CLSTN2: variants seen among roughly 807,000 people sequenced by gnomAD.
The protein encoded by CLSTN2 is calsyntenin 2, also known as calsyntenin-2.
In CLSTN2, 48 loss-of-function variants were observed where a neutral mutation model predicts 101.2. The ratio of observed to expected loss-of-function variants is 0.47; its 90% CI spans 0.38 to 0.60. The LOEUF (loss-of-function observed/expected upper bound fraction) is 0.60. Among genes scored for constraint, CLSTN2 ranks in the 20% least tolerant of loss-of-function variants. The pLI is 0.00. For synonymous variants in CLSTN2, 481 were observed against 463.6 expected (o/e 1.04, Z -0.48); for missense variants, 1,160 against 1,238.2 (o/e 0.94, Z 0.95).
intron 8 of CLSTN2, among the ~76,000 whole-genome samples, chr3:140,495,511 G>C (rs1294189475): frequency 6.6e-6 from 1 of 151,992 alleles, no homozygotes; most frequent in Non-Finnish European, 1.5e-5. Flanking sequence ...AATTGTTTTT[G>C]GTGTTTTTGT....
At chr3:140,020,996 C>G (rs987510470) in intron 1 of CLSTN2, among the ~76,000 whole-genome samples, 2 of 152,226 alleles carry the variant, frequency 1.3e-5, no homozygotes, top group Non-Finnish European at 2.9e-5. Flanking sequence ...GTGCTCCCTT[C>G]TCCACCCAGC....
chr3:140,047,329 C>T (rs193234156), intron 1 of CLSTN2, among the ~76,000 whole-genome samples: 34 of 152,230 alleles, frequency 2.2e-4, no homozygotes, highest in African/African-American at 8.2e-4. Flanking sequence ...TAGTTTCCCA[C>T]AAATGATATA....
chr3:140,189,831 A>G (rs1226529887), intron 2 of CLSTN2, among the ~76,000 whole-genome samples: 3 of 152,190 alleles, frequency 2.0e-5, no homozygotes, highest in African/African-American at 7.2e-5. Flanking sequence ...ATTGAATTGC[A>G]CCTTGGTCAA....
At chr3:139,987,239 G>A (rs1266623124) in intron 1 of CLSTN2, among the ~76,000 whole-genome samples, 1 of 152,150 alleles carries the variant, frequency 6.6e-6, no homozygotes, top group East Asian at 1.9e-4. Context: ...CAAACTTCTG[G>A]TTGCATGATG....
At chr3:140,364,392 G>T (rs983753537) in intron 2 of CLSTN2, among the ~76,000 whole-genome samples, 10 of 152,156 alleles carry the variant, frequency 6.6e-5, no homozygotes, top group African/African-American at 2.4e-4. Context: ...AATTACCACA[G>T]AAATTGCATG....
chr3:140,014,577 CAGA>C (rs986961355), intron 1 of CLSTN2, among the ~76,000 whole-genome samples: 2 of 152,062 alleles, frequency 1.3e-5, no homozygotes, highest in African/African-American at 4.8e-5. Context: ...TGAACAAAGA[CAGA>C]AGAAGATGAG....
At chr3:140,456,635 A>C (rs1220430519) in intron 6 of CLSTN2, among the ~76,000 whole-genome samples, 1 of 151,958 alleles carries the variant, frequency 6.6e-6, no homozygotes, top group Non-Finnish European at 1.5e-5. Flanking sequence ...AAAAATACAA[A>C]AATTAGCCAG....
At chr3:140,205,618 G>GCACCCC (rs1553721844) in intron 2 of CLSTN2, among the ~76,000 whole-genome samples, 3 of 67,172 alleles carry the variant, frequency 4.5e-5, no homozygotes, top group Non-Finnish European at 7.4e-5. Flanking sequence ...GACCTGACCC[G>GCACCCC]CCCCCCACCC....
intron 2 of CLSTN2, among the ~76,000 whole-genome samples, chr3:140,300,867 C>T (rs1023417591): frequency 6.6e-6 from 1 of 152,008 alleles, no homozygotes; most frequent in African/African-American, 2.4e-5. Context: ...ATTATGGAGG[C>T]TGAGAAGTCC....
At chr3:140,532,623 C>A in intron 9 of CLSTN2, 137 bp downstream of exon 9, 1 of 596,436 alleles carries the variant, frequency 1.7e-6, no homozygotes, top group Non-Finnish European at 2.7e-6. Context: ...AAATTCAAGA[C>A]ATATAAAAAT....
chr3:140,419,276 A>G (rs992775690), intron 4 of CLSTN2, among the ~76,000 whole-genome samples: 3 of 150,398 alleles, frequency 2.0e-5, no homozygotes, highest in Non-Finnish European at 4.4e-5. Context: ...TGAGATCACG[A>G]GTTCGAGACC....
At chr3:140,131,265 A>G (rs921067166) in intron 1 of CLSTN2, among the ~76,000 whole-genome samples, 1 of 151,044 alleles carries the variant, frequency 6.6e-6, no homozygotes, top group Admixed American at 6.7e-5. Context: ...TTTCAAATCC[A>G]AAATTTTGAA....
chr3:139,975,383 C>G (rs1054987994), intron 1 of CLSTN2, among the ~76,000 whole-genome samples: 1 of 152,182 alleles, frequency 6.6e-6, no homozygotes, highest in Non-Finnish European at 1.5e-5. Context: ...AGAGGCCACA[C>G]CTCTCACAGA....
chr3:140,510,453 A>G (rs1353219703), intron 8 of CLSTN2, among the ~76,000 whole-genome samples: 2 of 152,206 alleles, frequency 1.3e-5, no homozygotes, highest in Admixed American at 1.3e-4. Flanking sequence ...CTCCCCGGGG[A>G]TGAGATTAAA....
chr3:140,485,691 A>G (rs943283003), intron 8 of CLSTN2, among the ~76,000 whole-genome samples: 2 of 152,040 alleles, frequency 1.3e-5, no homozygotes, highest in Non-Finnish European at 2.9e-5. Flanking sequence ...GCTGCCTTGC[A>G]GTTTGATCTC....
intron 1 of CLSTN2, among the ~76,000 whole-genome samples, chr3:140,121,272 G>C (rs1340799883): frequency 6.6e-6 from 1 of 152,158 alleles, no homozygotes; most frequent in Non-Finnish European, 1.5e-5. Context: ...CACGGGAAGA[G>C]AGCTGGGGCC....
chr3:140,485,336 C>A (rs1022196632), intron 8 of CLSTN2, among the ~76,000 whole-genome samples: 3 of 152,184 alleles, frequency 2.0e-5, no homozygotes, highest in Non-Finnish European at 2.9e-5. Context: ...CAGAGGGGTA[C>A]CCAGCCGTGT....
intron 1 of CLSTN2, among the ~76,000 whole-genome samples, chr3:139,975,850 C>G (rs1363129777): frequency 1.3e-5 from 2 of 152,168 alleles, no homozygotes; most frequent in Admixed American, 1.3e-4. Flanking sequence ...GGAGCTGCCA[C>G]AACAACAGGC....
At chr3:140,365,635 T>C (rs1032945083) in intron 2 of CLSTN2, among the ~76,000 whole-genome samples, 2 of 152,030 alleles carry the variant, frequency 1.3e-5, no homozygotes, top group East Asian at 1.9e-4. Context: ...GCCACACAGA[T>C]GGTAAATGGT....
Sources: allele counts gnomAD v4.1 joint callset (sites outside exome capture counted in the v4.1 genomes callset), GRCh38; gene constraint gnomAD v4.1.1; transcripts MANE v1.5; gene names NCBI Gene and HGNC (gene_info 2026-07-23, HGNC 2026-07-21).